TNNT2: variants seen among roughly 807,000 people sequenced by gnomAD.
TNNT2 encodes troponin T2, cardiac type, also known as troponin T, cardiac muscle.
A neutral mutation model predicts 62.4 loss-of-function variants in TNNT2; 34 were observed. The observed-to-expected ratio is 0.54, with a 90% CI of 0.41 to 0.72. The LOEUF (loss-of-function observed/expected upper bound fraction) is 0.72, where lower values mean the gene tolerates loss of function less well. Ranked by LOEUF, TNNT2 falls within the 30% of genes least tolerant of loss-of-function variation. TNNT2 has a pLI of 0.00. For synonymous variants in TNNT2, 123 were observed against 127.2 expected (o/e 0.97, Z 0.22); for missense variants, 275 against 381.9 (o/e 0.72, Z 2.33).
chr1:201,366,363 G>GC (rs3841823), intron 8 of TNNT2: 67 of 1,018,592 alleles, frequency 6.6e-5, no homozygotes, highest in East Asian at 2.7e-4. Context: ...CTATCCCCCA[G>GC]CCCCCCCCAG....
chr1:201,373,413 A>G (rs1008957347), intron 1 of TNNT2, 145 bp from the exon 2 acceptor site: 15 of 752,556 alleles, frequency 2.0e-5, no homozygotes, highest in African/African-American at 3.4e-5. Flanking sequence ...TGCAACAAAA[A>G]GCCTGTTTTC....
At chr1:201,366,603 C>G in intron 8 of TNNT2, 1 of 1,423,582 alleles carries the variant, frequency 7.0e-7, no homozygotes, top group Non-Finnish European at 9.2e-7. Context: ...GAACATAGCC[C>G]CATCCCTGCT....
In TNNT2 at chr1:201,371,780, A is replaced by G. The variant is rs1188352659; in HGVS notation, c.67+247T>C. Among the ~76,000 whole-genome samples, 7 of 152,328 alleles carry G rather than the reference A, an allele frequency of 4.6e-5. No homozygotes were observed. The South Asian group carries it at 1.2e-3, about 27-fold the overall frequency. On this transcript the variant is annotated intron_variant, in intron 4 of 16. Transcript: ENST00000656932. ...ATAAAAGGGAGAAGAAGCAAAAAAAATTGGGAAAAGTGATCAGTGTGTTTG... is the reference window on the plus strand; with the variant it reads ...ATAAAAGGGAGAAGAAGCAAAAAAAGTTGGGAAAAGTGATCAGTGTGTTTG...
At chr1:201,363,909 TG>T (rs1659180380) in intron 11 of TNNT2, 1 of 200,022 alleles carries the variant, frequency 5.0e-6, no homozygotes, top group Non-Finnish European at 1.0e-5. Context: ...TTTTTTGAGT[TG>T]GAGTTTCACT....
At chr1:201,367,188 C>A in intron 7 of TNNT2, 2 of 489,124 alleles carry the variant, frequency 4.1e-6, no homozygotes, top group Non-Finnish European at 7.5e-6. Flanking sequence ...AGTGACAAGG[C>A]CTTTGGAAAG....
intron 1 of TNNT2, chr1:201,375,359 C>T (rs75826050): frequency 0.079 from 12,051 of 152,296 alleles, 509 homozygotes; most frequent in Middle Eastern, 0.14. Context: ...GTGGTCCTTC[C>T]GCTGCTCCCT....
At chr1:201,362,772 A>C (rs1658920709) in intron 12 of TNNT2, among the ~76,000 whole-genome samples, 1 of 152,208 alleles carries the variant, frequency 6.6e-6, no homozygotes, top group Admixed American at 6.5e-5. Flanking sequence ...AATGGGGCAC[A>C]AAAGTTAGGG....
Position 201,366,161 on chromosome 1 carries a change from G to A in TNNT2, c.234-491C>T, listed in dbSNP as rs1017575389. 2.8e-6 allele frequency: 3 copies of A among 1,056,828 alleles called. No individual in the cohort carries two copies. In the East Asian group the frequency reaches 2.2e-4, roughly 79 times the overall value. 65.5% of individuals were successfully genotyped at this position (1,056,828 alleles called of 1,614,324 possible). A position where few individuals can be genotyped will look rare whatever the true frequency, so the allele number is the denominator to read the frequency against. On this transcript the variant is annotated intron_variant, in intron 8 of 16. Transcript: ENST00000656932. The stretch of plus-strand genomic sequence containing the variant: ...TGTCCCCATCTGCCCTCAGGTGTGT[G>A]GAGCTGAAATGAGATACCGCAGTGC...
chr1:201,366,737 C>T, intron 8 of TNNT2, 101 bp downstream of exon 8: 1 of 1,608,988 alleles, frequency 6.2e-7, no homozygotes, highest in Non-Finnish European at 8.5e-7. Flanking sequence ...CCCACCAAAC[C>T]CCCAGCCCGT....
At chr1:201,360,998 A>G in intron 15 of TNNT2, 1 of 484,588 alleles carries the variant, frequency 2.1e-6, no homozygotes, top group Admixed American at 3.2e-5. Context: ...CAGATCACTG[A>G]GCTGCTGCCT....
chr1:201,373,958 T>G (rs1661026128), intron 1 of TNNT2: 1 of 155,386 alleles, frequency 6.4e-6, no homozygotes, highest in South Asian at 2.0e-4. Flanking sequence ...TGAGAACTTG[T>G]CTCTAAATAA....
At chr1:201,363,591 C>T (rs577009074) in intron 11 of TNNT2, 185 bp from the exon 12 acceptor site, 37 of 606,202 alleles carry the variant, frequency 6.1e-5, no homozygotes, top group African/African-American at 5.5e-4. Context: ...GAAATGACTG[C>T]GTGATTGAAT....
intron 11 of TNNT2, 175 bp downstream of exon 11, chr1:201,364,123 A>T: frequency 1.5e-6 from 1 of 648,216 alleles, no homozygotes; most frequent in Non-Finnish European, 2.7e-6. Flanking sequence ...ACCTCAAGTG[A>T]TCTACCCGCC....
intron 1 of TNNT2, among the ~76,000 whole-genome samples, chr1:201,377,004 G>T (rs1661496785): frequency 6.6e-6 from 1 of 152,344 alleles, no homozygotes; most frequent in African/African-American, 2.4e-5. Context: ...TGAGTCAGCG[G>T]CATCAAATGG....
In TNNT2 at chr1:201,361,292, T is replaced by C; in HGVS notation, c.797A>G (p.Gln266Arg). The change falls in exon 15 of 17, where the codon CAG (glutamine) becomes CGG (arginine). Residue 266 changes from glutamine to arginine, a missense_variant. Coordinates refer to ENST00000656932, the MANE Select transcript of TNNT2 (RefSeq NM_001276345.2). ...ATGGCGGCCCACCTCATATTTCTGC[T>C]GCTTGAACTTCTCCTGCAGGTCGAA... ...EKFDLQEKFKQQKYEINVLRN... is the reference protein window; with the variant it reads ...EKFDLQEKFKRQKYEINVLRN... 1.2e-6 allele frequency: 2 copies of C among 1,614,150 alleles called. No homozygotes were observed. Among genetic ancestry groups the C allele is most frequent in the African/African-American group, 2.7e-5 (2 of 75,044 alleles).
At chr1:201,361,397 G>A in intron 14 of TNNT2, 28 bp from the exon 15 acceptor site, 3 of 1,603,128 alleles carry the variant, frequency 1.9e-6, no homozygotes, top group Non-Finnish European at 2.6e-6. Context: ...AGAATGGGGA[G>A]GTCCAGTAAG....
At position 201,360,675 on chromosome 1, in the gene TNNT2, A is replaced by G. The variant is rs533163387; in HGVS notation, c.810+604T>C. On this transcript the variant is annotated intron_variant, in intron 15 of 16. Coordinates refer to ENST00000656932, the MANE Select transcript of TNNT2 (RefSeq NM_001276345.2). The stretch of plus-strand genomic sequence containing the variant: ...AAGGAGACCTTCCAGGGGAAGCTGA[A>G]TTCTTCCCTTAGGTAGCAAAGAGGC... 552 of 156,796 alleles carry G rather than the reference A, an allele frequency of 3.5e-3. 4 individuals carry two copies. The highest frequency in any genetic ancestry group is 0.012 in the African/African-American group (516 of 41,554). The allele number at this position is 156,796 out of a possible 1,614,324, so 9.7% of individuals were successfully genotyped here.
At position 201,372,163 on chromosome 1, in the gene TNNT2, C is replaced by A; in HGVS notation, c.42-8G>T. 1 of 1,614,162 alleles carries A rather than the reference C, an allele frequency of 6.2e-7. No individual in the cohort carries two copies. The highest frequency in any genetic ancestry group is 8.5e-7 in the Non-Finnish European group (1 of 1,180,026). On this transcript the variant is annotated splice_polypyrimidine_tract_variant and splice_region_variant and intron_variant, in intron 2 of 16. Transcript: ENST00000656932. ...CGCTTACCTTCCTGCTCCCTGAGAGCAACAGGAAACACTGTCAGTAGCTCG... is the reference window on the plus strand; with the variant it reads ...CGCTTACCTTCCTGCTCCCTGAGAGAAACAGGAAACACTGTCAGTAGCTCG...
At chr1:201,368,361 A>T (rs1335940476) in intron 5 of TNNT2, 134 bp from the exon 6 acceptor site, 2 of 878,070 alleles carry the variant, frequency 2.3e-6, no homozygotes, top group Non-Finnish European at 3.7e-6. Context: ...TTTGGGGGCA[A>T]CCAACGTGCT....
Sources: gnomAD v4.1 joint callset for allele counts (sites outside exome capture counted in the v4.1 genomes callset) on GRCh38, gnomAD v4.1.1 for gene constraint, MANE v1.5 for transcripts, NCBI Gene and HGNC (gene_info 2026-07-23, HGNC 2026-07-21) for gene names.